Variants in COL5A2 observed in about 807,000 individuals in gnomAD.
COL5A2 encodes the protein collagen type V alpha 2 chain.
COL5A2 carries 23 observed loss-of-function variants against 208.2 expected under a neutral mutation model. The observed-to-expected ratio is 0.11, with a 90% CI of 0.08 to 0.16. COL5A2 has a LOEUF of 0.16. Among genes scored for constraint, COL5A2 ranks in the 10% least tolerant of loss-of-function variants. The pLI, the probability that COL5A2 is intolerant of heterozygous loss-of-function variation, is 1.00. For missense variants in COL5A2, 1,590 were observed against 1,956.4 expected (o/e 0.81, Z 3.53); for synonymous variants, 625 against 628.5 (o/e 0.99, Z 0.08).
chr2:189,075,969 C>T (rs994053679), intron 16 of COL5A2, among the ~76,000 whole-genome samples: 2 of 152,144 alleles, frequency 1.3e-5, no homozygotes, highest in African/African-American at 4.8e-5. Flanking sequence ...GGAATTAGCT[C>T]TCTCAAGACT....
At chr2:189,356,085 T>C in the COL5A2 span, among the ~76,000 whole-genome samples, 1 of 152,074 alleles carries the variant, frequency 6.6e-6, no homozygotes, top group Non-Finnish European at 1.5e-5. Flanking sequence ...TCTTTAAGAA[T>C]GTTGAATACT....
chr2:189,128,593 T>C (rs1286421679), intron 1 of COL5A2, among the ~76,000 whole-genome samples: 1 of 152,008 alleles, frequency 6.6e-6, no homozygotes, highest in Non-Finnish European at 1.5e-5. Context: ...AAATACTGAT[T>C]CCTAGGCCCT....
Position 189,171,056 on chromosome 2 carries a change from G to T in COL5A2, c.97+8452C>A, listed in dbSNP as rs974368640. ...CACTTAGCTCAACTAATGAGAGAAT[G>T]TCAGTTCTGGGTGGAATCTGGACAG... On this transcript the variant is annotated intron_variant, in intron 1 of 53. Coordinates refer to ENST00000374866, the MANE Select transcript of COL5A2 (RefSeq NM_000393.5). Among the ~76,000 whole-genome samples the T allele has an allele frequency of 5.3e-5, 8 of 152,190 alleles. 1 individual carries two copies. Among genetic ancestry groups the T allele is most frequent in the Admixed American group, 3.9e-4 (6 of 15,294 alleles).
intron 18 of COL5A2, among the ~76,000 whole-genome samples, chr2:189,071,686 T>C (rs1348381801): frequency 6.6e-6 from 1 of 152,164 alleles, no homozygotes; most frequent in Non-Finnish European, 1.5e-5. Context: ...CATTCTGCTG[T>C]TTATTACTTC....
chr2:189,127,777 T>C (rs1392049712), intron 1 of COL5A2, among the ~76,000 whole-genome samples: 1 of 151,994 alleles, frequency 6.6e-6, no homozygotes, highest in South Asian at 2.1e-4. Flanking sequence ...GTATCAAATG[T>C]AGAGTCATGC....
rs116347958 is a variant in COL5A2, at chr2:189,175,741, C to T, written c.97+3767G>A. 2.0e-3 allele frequency among the ~76,000 whole-genome samples: 302 copies of T among 151,996 alleles called. 2 individuals are homozygous for T. The highest frequency in any genetic ancestry group is 6.5e-3 in the African/African-American group (269 of 41,486). On this transcript the variant is annotated intron_variant, in intron 1 of 53. Transcript: ENST00000374866. The stretch of plus-strand genomic sequence containing the variant: ...CTAATTTTTGTATTTTGGGTAGGGA[C>T]GGAGTTTTGCCATATTGGCCGGGCT...
chr2:189,274,382 A>G, the COL5A2 span, among the ~76,000 whole-genome samples: 1 of 152,160 alleles, frequency 6.6e-6, no homozygotes, highest in African/African-American at 2.4e-5. Context: ...CACAACACAT[A>G]GCATTTCACT....
intron 2 of COL5A2, among the ~76,000 whole-genome samples, chr2:189,106,147 T>A (rs896473013): frequency 6.6e-6 from 1 of 151,540 alleles, no homozygotes; most frequent in Admixed American, 6.6e-5. Flanking sequence ...TGTTGAATTC[T>A]CAAAGAAAGT....
chr2:189,101,001 AT>A (rs1687035884), intron 3 of COL5A2, among the ~76,000 whole-genome samples: 1 of 151,996 alleles, frequency 6.6e-6, no homozygotes, highest in Non-Finnish European at 1.5e-5. Context: ...TGTATTCTTC[AT>A]TTCAAAATTT....
chr2:189,344,089 A>G, the COL5A2 span, among the ~76,000 whole-genome samples: 1 of 152,238 alleles, frequency 6.6e-6, no homozygotes, highest in African/African-American at 2.4e-5. Context: ...TAATAAATGT[A>G]CATACACATA....
chr2:189,059,422 A>G (rs1685972278), intron 31 of COL5A2, among the ~76,000 whole-genome samples: 2 of 151,900 alleles, frequency 1.3e-5, no homozygotes, highest in Non-Finnish European at 2.9e-5. Context: ...GTTCTTACAT[A>G]AAAGAAAGTT....
intron 52 of COL5A2, among the ~76,000 whole-genome samples, chr2:189,035,697 C>T (rs1254648034): frequency 2.0e-5 from 3 of 151,988 alleles, no homozygotes; most frequent in African/African-American, 7.2e-5. Context: ...TATATTTCAA[C>T]TATTTATATT....
At chr2:189,411,358 C>A in the COL5A2 span, among the ~76,000 whole-genome samples, 4 of 152,004 alleles carry the variant, frequency 2.6e-5, no homozygotes, top group Non-Finnish European at 4.4e-5. Context: ...CTGCTTCAAT[C>A]GTTTTTTTTA....
the COL5A2 span, among the ~76,000 whole-genome samples, chr2:189,352,929 G>A: frequency 8.5e-5 from 13 of 152,144 alleles, no homozygotes; most frequent in African/African-American, 2.6e-4. Flanking sequence ...TAGGTCTTAC[G>A]TTTAAGTCTT....
the COL5A2 span, among the ~76,000 whole-genome samples, chr2:189,333,519 T>C: frequency 1.3e-5 from 2 of 152,256 alleles, no homozygotes; most frequent in African/African-American, 4.8e-5. Context: ...TGAGTAGCTA[T>C]ATGTTATGAG....
the COL5A2 span, among the ~76,000 whole-genome samples, chr2:189,325,085 C>A: frequency 9.2e-5 from 14 of 151,710 alleles, no homozygotes; most frequent in Admixed American, 7.9e-4. Context: ...TCAAACACTG[C>A]GTGTGCTCAC....
rs952108842 is a variant in COL5A2, at chr2:189,194,309, C to T, written c.-42+30839G>A. Among the ~76,000 whole-genome samples, 7 of 152,096 alleles carry T rather than the reference C, an allele frequency of 4.6e-5. 1 individual carries two copies. The highest frequency in any genetic ancestry group is 7.4e-5 in the Non-Finnish European group (5 of 68,014). On this transcript the variant is annotated intron_variant, in intron 1 of 10. Transcript: ENST00000649966. ...AAGTAGCACATGCTTTTCTCTCACT[C>T]GTAGAAAAGGGCTAATGCAGAAAAT... is the stretch of plus-strand genomic sequence containing the variant.
intron 3 of COL5A2, among the ~76,000 whole-genome samples, chr2:189,101,003 T>C (rs1687035949): frequency 1.3e-5 from 2 of 152,098 alleles, no homozygotes; most frequent in African/African-American, 4.8e-5. Flanking sequence ...TATTCTTCAT[T>C]TCAAAATTTG....
At chr2:189,329,873 C>A in the COL5A2 span, among the ~76,000 whole-genome samples, 1 of 149,434 alleles carries the variant, frequency 6.7e-6, no homozygotes, top group African/African-American at 2.5e-5. Flanking sequence ...CTCACTCTAA[C>A]CAATACAAAA....
Sources: allele counts gnomAD v4.1 joint callset (sites outside exome capture counted in the v4.1 genomes callset), GRCh38; gene constraint gnomAD v4.1.1; transcripts MANE v1.5; gene names NCBI Gene and HGNC (gene_info 2026-07-23, HGNC 2026-07-21).